Variants in PITPNC1 observed in about 807,000 individuals in gnomAD.
PITPNC1 encodes the protein cytoplasmic phosphatidylinositol transfer protein 1.
A neutral mutation model predicts 44.7 loss-of-function variants in PITPNC1; 18 were observed. The ratio of observed to expected loss-of-function variants is 0.40; its 90% CI spans 0.28 to 0.60. The LOEUF is 0.60. Ranked by LOEUF, PITPNC1 falls within the 20% of genes least tolerant of loss-of-function variation. PITPNC1 has a pLI of 0.39. For synonymous variants in PITPNC1, 141 were observed against 149.6 expected, an observed-to-expected ratio of 0.94 and a Z score of 0.42; for missense variants, 290 against 418.4, an observed-to-expected ratio of 0.69 and a Z score of 2.68.
At chr17:67,612,219 T>G (rs946570683) in intron 5 of PITPNC1, 5 of 151,592 alleles carry the variant, frequency 3.3e-5, no homozygotes, top group Admixed American at 6.6e-5. Flanking sequence ...AGGGCAAGAG[T>G]CTTGAAGGCT....
intron 1 of PITPNC1, among the ~76,000 whole-genome samples, chr17:67,421,354 C>G (rs964054437): frequency 6.6e-5 from 10 of 152,260 alleles, no homozygotes; most frequent in Middle Eastern, 3.4e-3. Flanking sequence ...GTGATCTCAG[C>G]TCACTGCAAC....
Position 67,566,225 on chromosome 17 carries a change from A to G in PITPNC1, c.295-11961A>G, listed in dbSNP as rs567475099. Among the ~76,000 whole-genome samples, 10 of 152,218 alleles carry G rather than the reference A, an allele frequency of 6.6e-5. No homozygotes were observed. The South Asian group carries it at 1.9e-3, about 28-fold the overall frequency. On this transcript the variant is annotated intron_variant, in intron 4 of 8. Coordinates refer to ENST00000581322, the MANE Select transcript of PITPNC1 (RefSeq NM_012417.4). Reference sequence around the variant, plus strand: ...TTTTGTTTGTTTGTTGTTTTTTGATACAGGGGCTTGCTCTGTCACCCAGGC... The same window carrying G: ...TTTTGTTTGTTTGTTGTTTTTTGATGCAGGGGCTTGCTCTGTCACCCAGGC...
intron 1 of PITPNC1, among the ~76,000 whole-genome samples, chr17:67,442,205 A>ATG (rs2039022274): frequency 2.7e-4 from 3 of 10,910 alleles, no homozygotes; most frequent in African/African-American, 1.8e-3. Context: ...GAAAATAAGC[A>ATG]TATATATATA....
intron 2 of PITPNC1, among the ~76,000 whole-genome samples, chr17:67,543,954 G>A (rs779100278): frequency 1.4e-4 from 22 of 152,140 alleles, no homozygotes; most frequent in Non-Finnish European, 2.6e-4. Flanking sequence ...AGGTTCAAGC[G>A]ATTCTCCCGC....
In PITPNC1 at chr17:67,607,209, T is replaced by C. The variant is rs1007615362; in HGVS notation, c.367-24934T>C. On this transcript the variant is annotated intron_variant, in intron 5 of 8. Transcript: ENST00000581322. ...GCAGAGCGTCGTTCCAGCACCCAGT[T>C]TGACTTTGTGCAAGATGGTGCTTTT... Among the ~76,000 whole-genome samples the C allele has an allele frequency of 7.5e-4, 114 of 151,944 alleles. 2 individuals carry two copies. Among genetic ancestry groups the C allele is most frequent in the Admixed American group, 7.4e-3 (113 of 15,240 alleles).
At chr17:67,474,330 C>T (rs1372924635) in intron 1 of PITPNC1, among the ~76,000 whole-genome samples, 3 of 152,164 alleles carry the variant, frequency 2.0e-5, no homozygotes, top group South Asian at 2.1e-4. Context: ...TTTTCTGTGA[C>T]GACAATGGGA....
intron 1 of PITPNC1, among the ~76,000 whole-genome samples, chr17:67,503,564 G>A (rs949779374): frequency 6.6e-6 from 1 of 152,110 alleles, no homozygotes; most frequent in Non-Finnish European, 1.5e-5. Context: ...TGAAACAAAG[G>A]CAAATTAATA....
intron 1 of PITPNC1, among the ~76,000 whole-genome samples, chr17:67,441,757 TA>T (rs1280555964): frequency 6.6e-6 from 1 of 152,206 alleles, no homozygotes; most frequent in Non-Finnish European, 1.5e-5. Flanking sequence ...TCGTCATTAA[TA>T]GTTGTTACTT....
intron 6 of PITPNC1, among the ~76,000 whole-genome samples, chr17:67,668,935 G>A (rs565642346): frequency 9.2e-5 from 14 of 152,282 alleles, no homozygotes; most frequent in African/African-American, 3.4e-4. Context: ...TTAAATAAAT[G>A]TGCAATTCAG....
chr17:67,591,883 T>TC lies in PITPNC1; in HGVS notation c.366+13626_366+13627insC, dbSNP rs941726345. 1.6e-4 allele frequency among the ~76,000 whole-genome samples: 24 copies of TC among 151,654 alleles called. No individual in the cohort carries two copies. In the East Asian group the frequency reaches 4.5e-3, roughly 28 times the overall value. The stretch of plus-strand genomic sequence containing the variant: ...CATCACCATGCCCAGCTAATTTTTT[T>TC]TTTTTTTTTGTAGAGATGGGCATCT... On this transcript the variant is annotated intron_variant, in intron 5 of 8. Transcript: ENST00000581322.
chr17:67,604,034 C>G (rs905336976), intron 5 of PITPNC1, among the ~76,000 whole-genome samples: 1 of 152,012 alleles, frequency 6.6e-6, no homozygotes, highest in East Asian at 1.9e-4. Flanking sequence ...AAATAAGTCA[C>G]TCCCATCTTA....
chr17:67,635,559 T>A (rs1047423916), intron 6 of PITPNC1, among the ~76,000 whole-genome samples: 1 of 152,140 alleles, frequency 6.6e-6, no homozygotes, highest in African/African-American at 2.4e-5. Context: ...TTGAGAGTAT[T>A]TGGCGAATAG....
At chr17:67,666,262 T>C (rs375149909) in intron 6 of PITPNC1, among the ~76,000 whole-genome samples, 1 of 152,144 alleles carries the variant, frequency 6.6e-6, no homozygotes, top group African/African-American at 2.4e-5. Flanking sequence ...TCACAAAGTA[T>C]TGGGATTAAA....
chr17:67,496,813 A>G (rs1389939630), intron 1 of PITPNC1, among the ~76,000 whole-genome samples: 2 of 152,186 alleles, frequency 1.3e-5, no homozygotes, highest in African/African-American at 4.8e-5. Flanking sequence ...AGGTTTTAAA[A>G]ATTCAAATGT....
At position 67,524,679 on chromosome 17, in the gene PITPNC1, T is replaced by G. The variant is rs2040372302; in HGVS notation, c.49-8123T>G. 4.6e-5 allele frequency: 7 copies of G among 152,090 alleles called. 1 individual carries two copies. In the South Asian group the frequency reaches 1.5e-3, roughly 32 times the overall value. 9.4% of individuals were successfully genotyped at this position (152,090 alleles called of 1,614,324 possible). A position where few individuals can be genotyped will look rare whatever the true frequency, so the allele number is the denominator to read the frequency against. ...GGCAGTACTTGATCTTTATTTAGAT[T>G]TCATAAAATTCCCAGTTGAAAAAGT... On this transcript the variant is annotated intron_variant, in intron 1 of 8. Transcript: ENST00000581322.
chr17:67,591,383 C>T (rs2706664), intron 5 of PITPNC1, among the ~76,000 whole-genome samples: 41,210 of 152,040 alleles, frequency 0.27, 5,608 homozygotes, highest in Admixed American at 0.31. Context: ...ACTGGGTAAT[C>T]GGCAAAATTT....
At position 67,444,507 on chromosome 17, in the gene PITPNC1, C is replaced by T. The variant is rs528100357; in HGVS notation, c.48+66305C>T. Among the ~76,000 whole-genome samples, 4 of 152,156 alleles carry T rather than the reference C, an allele frequency of 2.6e-5. 1 individual carries two copies. Among genetic ancestry groups the T allele is most frequent in the East Asian group, 1.9e-4 (1 of 5,188 alleles). On this transcript the variant is annotated intron_variant, in intron 1 of 8. Transcript: ENST00000581322. Reference sequence around the variant, plus strand: ...TGGGCAATGGGACAGACTGGAGACTCTTTTAGTTTTATGTAATGCAAGGGC... The same window carrying T: ...TGGGCAATGGGACAGACTGGAGACTTTTTTAGTTTTATGTAATGCAAGGGC...
At chr17:67,434,640 G>A (rs1311723418) in intron 1 of PITPNC1, among the ~76,000 whole-genome samples, 3 of 151,734 alleles carry the variant, frequency 2.0e-5, no homozygotes, top group Non-Finnish European at 4.4e-5. Context: ...GCAAAACCCC[G>A]TCTGTACTAA....
intron 1 of PITPNC1, among the ~76,000 whole-genome samples, chr17:67,474,671 T>C (rs2144014203): frequency 6.6e-6 from 1 of 152,292 alleles, no homozygotes; most frequent in East Asian, 1.9e-4. Flanking sequence ...TCTTTATTTT[T>C]ATTTTTTTGT....
Sources: allele counts gnomAD v4.1 joint callset (sites outside exome capture counted in the v4.1 genomes callset), GRCh38; gene constraint gnomAD v4.1.1; transcripts MANE v1.5; gene names NCBI Gene and HGNC (gene_info 2026-07-23, HGNC 2026-07-21).